KIRREL3: variants seen among roughly 807,000 people sequenced by gnomAD.
KIRREL3 encodes kin of IRRE-like protein 3.
KIRREL3 carries 36 observed loss-of-function variants against 89.7 expected under a neutral mutation model. The ratio of observed to expected loss-of-function variants is 0.40; its 90% CI spans 0.31 to 0.53. The LOEUF is 0.53. KIRREL3 is among the 20% of genes least tolerant of loss of function. The probability of loss-of-function intolerance (pLI) is 0.49; values close to 1 mark genes in which losing one functional copy is unlikely to be tolerated. For synonymous variants in KIRREL3, 445 were observed against 441.4 expected (o/e 1.01, Z -0.10); for missense variants, 864 against 1,056.6 (o/e 0.82, Z 2.53).
rs544491854 is a variant in KIRREL3, at chr11:126,441,881, C to T, written c.1253-1332G>A. ...GCCCTCCTTCCTAAAAATCCTTCAG[C>T]TCCAACAGGTCTAGGACCCAAAGAG... On this transcript the variant is annotated intron_variant, in intron 10 of 16. Coordinates refer to ENST00000525144, the MANE Select transcript of KIRREL3 (RefSeq NM_032531.4). The surrounding 1 kb of genome is among the most constrained non-coding windows in gnomAD (Gnocchi z 5.0). 8.1e-4 allele frequency among the ~76,000 whole-genome samples: 123 copies of T among 152,238 alleles called. No individual in the cohort carries two copies. The highest frequency in any genetic ancestry group is 2.8e-3 in the African/African-American group (117 of 41,542).
intron 1 of KIRREL3, among the ~76,000 whole-genome samples, chr11:126,592,733 G>A (rs1055757318): frequency 3.9e-5 from 6 of 152,200 alleles, no homozygotes; most frequent in African/African-American, 1.4e-4. Flanking sequence ...AGGCCTTGGG[G>A]AAGATGTGAG....
At chr11:126,913,405 T>C (rs1473352966) in intron 1 of KIRREL3, among the ~76,000 whole-genome samples, 1 of 152,186 alleles carries the variant, frequency 6.6e-6, no homozygotes, top group Admixed American at 6.5e-5. Context: ...AAGGGAGGAT[T>C]GCTGAAGGGT....
Position 126,513,942 on chromosome 11 carries a change from T to C in KIRREL3, c.433+7373A>G, listed in dbSNP as rs940525111. Among the ~76,000 whole-genome samples the C allele has an allele frequency of 6.6e-6, 1 of 152,172 alleles. No individual in the cohort carries two copies. Among genetic ancestry groups the C allele is most frequent in the African/African-American group, 2.4e-5 (1 of 41,446 alleles). On this transcript the variant is annotated intron_variant, in intron 4 of 16. Coordinates refer to ENST00000525144, the MANE Select transcript of KIRREL3 (RefSeq NM_032531.4). This position sits in a 1 kb window ranked among gnomAD's most constrained non-coding sequence, Gnocchi z 5.9. ...ATATGTCAGCCTCAGATACCCTTCA[T>C]GGCCCCCAGCTCTGCTCACTTTATC...
chr11:126,545,205 C>G (rs1312087870), intron 2 of KIRREL3, among the ~76,000 whole-genome samples: 1 of 152,076 alleles, frequency 6.6e-6, no homozygotes, highest in Non-Finnish European at 1.5e-5. Context: ...AAGGAATGAG[C>G]CAAGATAACA....
chr11:126,545,161 C>G (rs144640337), intron 2 of KIRREL3, among the ~76,000 whole-genome samples: 1 of 151,986 alleles, frequency 6.6e-6, no homozygotes, highest in African/African-American at 2.4e-5. Context: ...ACTGGTGGGG[C>G]GGCAGGTTTA....
intron 1 of KIRREL3, among the ~76,000 whole-genome samples, chr11:126,887,121 C>T (rs1484949122): frequency 2.6e-5 from 4 of 152,036 alleles, no homozygotes; most frequent in Non-Finnish European, 5.9e-5. Context: ...CATGAAGGGA[C>T]CCACATGAGA....
intron 1 of KIRREL3, among the ~76,000 whole-genome samples, chr11:126,942,501 GC>G (rs1290114437): frequency 6.6e-6 from 1 of 152,092 alleles, no homozygotes; most frequent in Non-Finnish European, 1.5e-5. Flanking sequence ...ACAGAAGCTG[GC>G]CCTTCTGTGG....
intron 1 of KIRREL3, among the ~76,000 whole-genome samples, chr11:126,886,680 A>C (rs7932969): frequency 0.62 from 93,743 of 152,030 alleles, 30,432 homozygotes; most frequent in African/African-American, 0.82. Flanking sequence ...AACAGTTGGG[A>C]TGGAGAGCCA....
chr11:126,858,060 C>A (rs897052042), intron 1 of KIRREL3, among the ~76,000 whole-genome samples: 1 of 152,184 alleles, frequency 6.6e-6, no homozygotes, highest in African/African-American at 2.4e-5. Flanking sequence ...TGTGAACTGC[C>A]TCGCCAAATG....
At position 126,937,715 on chromosome 11, in the gene KIRREL3, C is replaced by T. The variant is rs185700471; in HGVS notation, c.55+62740G>A. Among the ~76,000 whole-genome samples the T allele has an allele frequency of 7.1e-3, 1,081 of 151,976 alleles. 9 individuals are homozygous for T. Among genetic ancestry groups the T allele is most frequent in the African/African-American group, 0.022 (913 of 41,440 alleles). On this transcript the variant is annotated intron_variant, in intron 1 of 16. Coordinates refer to ENST00000525144, the MANE Select transcript of KIRREL3 (RefSeq NM_032531.4). ...GAGATCAAGACCATCCTGGCTAACA[C>T]AGTGAAACCCCATCTCTACTAAAAA...
chr11:126,456,602 T>C (rs1956352960), intron 6 of KIRREL3, 148 bp from the exon 7 acceptor site: 1 of 607,882 alleles, frequency 1.6e-6, no homozygotes, highest in Non-Finnish European at 2.9e-6. Flanking sequence ...AGCTGGGGGC[T>C]CCATGGGAGG....
At chr11:126,603,600 G>C (rs1274732425) in intron 1 of KIRREL3, among the ~76,000 whole-genome samples, 3 of 152,256 alleles carry the variant, frequency 2.0e-5, no homozygotes, top group Non-Finnish European at 4.4e-5. Context: ...GAACATGCTT[G>C]GGTCTTGGCC....
In KIRREL3 at chr11:126,923,209, T is replaced by C. The variant is rs866145019; in HGVS notation, c.55+77246A>G. Reference sequence around the variant, plus strand: ...CTTCTCTTCTTCTTCTTCTTCTTCTTCTTCTTCTTCTTCTTCTTCTTCTTC... The same window carrying C: ...CTTCTCTTCTTCTTCTTCTTCTTCTCCTTCTTCTTCTTCTTCTTCTTCTTC... On this transcript the variant is annotated intron_variant, in intron 1 of 16. Coordinates refer to ENST00000525144, the MANE Select transcript of KIRREL3 (RefSeq NM_032531.4). Among the ~76,000 whole-genome samples the C allele has an allele frequency of 1.7e-4, 2 of 11,606 alleles. 1 individual carries two copies. Among genetic ancestry groups the C allele is most frequent in the Non-Finnish European group, 3.2e-4 (2 of 6,306 alleles). The allele number at this position is 11,606 out of a possible 152,430, so 7.6% of individuals were successfully genotyped here.
rs1949399893 is a variant in KIRREL3, at chr11:126,970,472, A to G, written c.55+29983T>C. On this transcript the variant is annotated intron_variant, in intron 1 of 16. Transcript: ENST00000525144. This position sits in a 1 kb window ranked among gnomAD's most constrained non-coding sequence, Gnocchi z 4.4. ...CGACATTAGACAAAAAGTAACCAGT[A>G]CCATCAATCTTTAAAACCCCTACAG... is the stretch of plus-strand genomic sequence containing the variant. Among the ~76,000 whole-genome samples the G allele has an allele frequency of 6.6e-6, 1 of 152,206 alleles. No homozygotes were observed. The highest frequency in any genetic ancestry group is 6.5e-5 in the Admixed American group (1 of 15,280).
At chr11:126,714,081 G>A (rs1947864317) in intron 1 of KIRREL3, among the ~76,000 whole-genome samples, 2 of 152,206 alleles carry the variant, frequency 1.3e-5, no homozygotes, top group South Asian at 2.1e-4. Flanking sequence ...AAAGGGAGGT[G>A]CCCAGGGTGC....
intron 4 of KIRREL3, among the ~76,000 whole-genome samples, chr11:126,478,200 C>T (rs1272917427): frequency 6.6e-6 from 1 of 152,240 alleles, no homozygotes; most frequent in African/African-American, 2.4e-5. Context: ...TCCTGTTCCT[C>T]ACTCTGCTGG....
At position 126,501,141 on chromosome 11, in the gene KIRREL3, C is replaced by T. The variant is rs1428423570; in HGVS notation, c.433+20174G>A. Among the ~76,000 whole-genome samples the T allele has an allele frequency of 1.3e-5, 2 of 152,226 alleles. No individual in the cohort carries two copies. The highest frequency in any genetic ancestry group is 2.9e-5 in the Non-Finnish European group (2 of 68,052). On this transcript the variant is annotated intron_variant, in intron 4 of 16. Transcript: ENST00000525144. The surrounding 1 kb of genome is among the most constrained non-coding windows in gnomAD (Gnocchi z 5.8). ...GCAGGATATCTCCAGTGCAAGGACA[C>T]TACTGGTGGACAGCTGGTCCGTCCC... is the stretch of plus-strand genomic sequence containing the variant.
chr11:126,848,134 G>A (rs1944210711), intron 1 of KIRREL3, among the ~76,000 whole-genome samples: 2 of 152,176 alleles, frequency 1.3e-5, no homozygotes, highest in South Asian at 4.1e-4. Flanking sequence ...CAACAGGAGA[G>A]TAACTTACCC....
chr11:126,999,323 G>A lies in KIRREL3; in HGVS notation c.55+1132C>T, dbSNP rs1950257822. ...GACCACAAGCACGGGTGGAAGAGCA[G>A]AAGAAGGAAGCCAGGTTTTTGCTTA... On this transcript the variant is annotated intron_variant, in intron 1 of 16. Transcript: ENST00000525144. This position sits in a 1 kb window ranked among gnomAD's most constrained non-coding sequence, Gnocchi z 5.7. Among the ~76,000 whole-genome samples, 1 of 152,252 alleles carries A rather than the reference G, an allele frequency of 6.6e-6. No homozygotes were observed. Among genetic ancestry groups the A allele is most frequent in the African/African-American group, 2.4e-5 (1 of 41,470 alleles).
Sources: allele counts gnomAD v4.1 joint callset (sites outside exome capture counted in the v4.1 genomes callset), GRCh38; gene constraint gnomAD v4.1.1; non-coding constraint Gnocchi (gnomAD v3.1); transcripts MANE v1.5; gene names NCBI Gene and HGNC (gene_info 2026-07-23, HGNC 2026-07-21).